SLC16A14: variants seen among roughly 807,000 people sequenced by gnomAD.
SLC16A14 encodes solute carrier family 16 member 14.
SLC16A14 carries 14 observed loss-of-function variants against 35.8 expected under a neutral mutation model. That is an observed-to-expected ratio of 0.39 (90% CI 0.26 to 0.61). The LOEUF (loss-of-function observed/expected upper bound fraction) is 0.61, where lower values mean the gene tolerates loss of function less well. Ranked by LOEUF, SLC16A14 falls within the 20% of genes least tolerant of loss-of-function variation. SLC16A14 has a pLI of 0.51. For synonymous variants in SLC16A14, 248 were observed against 258.9 expected (o/e 0.96, Z 0.40); for missense variants, 533 against 655.0 (o/e 0.81, Z 2.03).
At position 230,035,499 on chromosome 2, in the gene SLC16A14, A is replaced by G. The variant is rs2077513364; in HGVS notation, c.*1881T>C. The G allele has an allele frequency of 6.6e-6, 1 of 152,668 alleles. No individual in the cohort carries two copies. The highest frequency in any genetic ancestry group is 2.4e-5 in the African/African-American group (1 of 41,466). 9.5% of individuals were successfully genotyped at this position (152,668 alleles called of 1,614,324 possible). A position where few individuals can be genotyped will look rare whatever the true frequency, so the allele number is the denominator to read the frequency against. ...AAACATACAACATGTGTTTCAATCT[A>G]ATCATCCTAATTCTATGGTAAATTA... On this transcript the variant is annotated 3_prime_UTR_variant, in exon 5 of 5. Transcript: ENST00000295190.
At chr2:230,042,942 C>T (rs2077572279) in intron 4 of SLC16A14, among the ~76,000 whole-genome samples, 2 of 152,148 alleles carry the variant, frequency 1.3e-5, no homozygotes, top group Admixed American at 6.6e-5. Context: ...GAGGAAAGGG[C>T]CAAGAGGATG....
intron 4 of SLC16A14, among the ~76,000 whole-genome samples, chr2:230,041,359 A>C (rs1210323987): frequency 6.6e-6 from 1 of 151,992 alleles, no homozygotes; most frequent in African/African-American, 2.4e-5. Flanking sequence ...ATTTTATTTT[A>C]ATTTTGAGAC....
chr2:230,056,415 T>C (rs35939812), intron 2 of SLC16A14, among the ~76,000 whole-genome samples: 162 of 152,034 alleles, frequency 1.1e-3, no homozygotes, highest in Admixed American at 2.9e-3. Context: ...CCACCATGCC[T>C]GGCTAATTTT....
In SLC16A14 at chr2:230,046,265, G is replaced by A; in HGVS notation, c.861C>T (p.Ser287=). The change falls in exon 4 of 5, where the codon AGC becomes AGT. Residue 287 remains serine (S), a synonymous_variant. Coordinates refer to ENST00000295190, the MANE Select transcript of SLC16A14 (RefSeq NM_152527.5). This position sits in a 1 kb window ranked among gnomAD's most constrained non-coding sequence, Gnocchi z 5.0. ...CCTTCCTGACTCTCATGGTGAGCCA[G>A]CTGACAGTCTTCAGAATCCGGAGGG... ...MCALRILKTV[S]WLTMRVRKGF... 6.2e-7 allele frequency: 1 copy of A among 1,614,224 alleles called. No homozygotes were observed. The highest frequency in any genetic ancestry group is 1.7e-5 in the Admixed American group (1 of 60,030).
intron 3 of SLC16A14, among the ~76,000 whole-genome samples, chr2:230,048,263 C>T (rs1205428840): frequency 6.6e-6 from 1 of 152,136 alleles, no homozygotes; most frequent in Non-Finnish European, 1.5e-5. Flanking sequence ...AAATAACTTG[C>T]CCAAAGTCAC....
rs2077567347 is a variant in SLC16A14, at chr2:230,042,287, A to G, written c.1381+3458T>C. 1.3e-5 allele frequency among the ~76,000 whole-genome samples: 2 copies of G among 152,094 alleles called. 1 individual carries two copies. Among genetic ancestry groups the G allele is most frequent in the South Asian group, 4.1e-4 (2 of 4,820 alleles). On this transcript the variant is annotated intron_variant, in intron 4 of 4. Coordinates refer to ENST00000295190, the MANE Select transcript of SLC16A14 (RefSeq NM_152527.5). ...ACCTGATGACTGAGGGTTGAGTATAACTCCCTGTCATCTACTTATCATTCC... is the reference window on the plus strand; with the variant it reads ...ACCTGATGACTGAGGGTTGAGTATAGCTCCCTGTCATCTACTTATCATTCC...
rs2077511544 is a variant in SLC16A14 at position 230,035,209 on chromosome 2, A to G, written c.*2171T>C. 6.6e-6 allele frequency: 1 copy of G among 152,422 alleles called. No individual in the cohort carries two copies. The highest frequency in any genetic ancestry group is 6.5e-5 in the Admixed American group (1 of 15,274). The allele number at this position is 152,422 out of a possible 1,614,324, so 9.4% of individuals were successfully genotyped here. Reference sequence around the variant, plus strand: ...AAGCAGGTCTTTATTTTTTTTGACAATGGGAACTTCCACTCATTCGGTAGA... The same window carrying G: ...AAGCAGGTCTTTATTTTTTTTGACAGTGGGAACTTCCACTCATTCGGTAGA... On this transcript the variant is annotated 3_prime_UTR_variant, in exon 5 of 5. Coordinates refer to ENST00000295190, the MANE Select transcript of SLC16A14 (RefSeq NM_152527.5).
intron 1 of SLC16A14, among the ~76,000 whole-genome samples, chr2:230,067,557 TC>T (rs1560485386): frequency 2.5e-5 from 1 of 40,492 alleles, no homozygotes; most frequent in Admixed American, 3.1e-4. Context: ...TCTCTCTCTC[TC>T]TCTCTCTCTC....
At chr2:230,056,392 C>T (rs982640626) in intron 2 of SLC16A14, among the ~76,000 whole-genome samples, 20 of 151,760 alleles carry the variant, frequency 1.3e-4, no homozygotes, top group African/African-American at 4.1e-4. Context: ...GTAGCTGGGA[C>T]TACAGGCGTT....
intron 2 of SLC16A14, among the ~76,000 whole-genome samples, chr2:230,051,773 C>G (rs1186258068): frequency 6.6e-6 from 1 of 152,058 alleles, no homozygotes; most frequent in Non-Finnish European, 1.5e-5. Flanking sequence ...ATGTGTATAT[C>G]TGGGTACAGT....
At chr2:230,051,342 A>G (rs920833167) in intron 2 of SLC16A14, among the ~76,000 whole-genome samples, 1 of 151,958 alleles carries the variant, frequency 6.6e-6, no homozygotes, top group Non-Finnish European at 1.5e-5. Context: ...TGTATTTTTT[A>G]TAGAGATAGG....
intron 2 of SLC16A14, among the ~76,000 whole-genome samples, chr2:230,052,690 A>G (rs2106264432): frequency 6.6e-6 from 1 of 152,318 alleles, no homozygotes; most frequent in East Asian, 1.9e-4. Flanking sequence ...TATAAATTTA[A>G]AAAAGTATAA....
At chr2:230,039,914 C>T (rs1227217277) in intron 4 of SLC16A14, among the ~76,000 whole-genome samples, 3 of 152,126 alleles carry the variant, frequency 2.0e-5, no homozygotes, top group African/African-American at 7.2e-5. Context: ...TATTTATTTA[C>T]GTTTTGGTGG....
At chr2:230,066,671 G>C in intron 1 of SLC16A14, 1 of 383,602 alleles carries the variant, frequency 2.6e-6, no homozygotes, top group South Asian at 1.8e-5. Flanking sequence ...GTATGGCTTT[G>C]TCGCCCAGGC....
chr2:230,060,069 AGTT>A (rs892183396), intron 1 of SLC16A14, among the ~76,000 whole-genome samples: 17 of 152,302 alleles, frequency 1.1e-4, no homozygotes, highest in Middle Eastern at 3.4e-3. Flanking sequence ...GAACTTAATT[AGTT>A]ACTAGAAAAT....
chr2:230,051,295 G>A (rs2077657762), intron 2 of SLC16A14, among the ~76,000 whole-genome samples: 1 of 152,062 alleles, frequency 6.6e-6, no homozygotes, highest in African/African-American at 2.4e-5. Context: ...CTAAGTAGCT[G>A]GGCCTAGAGG....
At chr2:230,065,518 G>A (rs1460041066) in intron 1 of SLC16A14, among the ~76,000 whole-genome samples, 1 of 152,142 alleles carries the variant, frequency 6.6e-6, no homozygotes, top group African/African-American at 2.4e-5. Context: ...GCCTCTCAAA[G>A]TGCTGGGATT....
chr2:230,065,650 C>T (rs1280392636), intron 1 of SLC16A14, among the ~76,000 whole-genome samples: 2 of 152,142 alleles, frequency 1.3e-5, no homozygotes, highest in Non-Finnish European at 2.9e-5. Context: ...AAAGTAATTA[C>T]TGTTTTGACT....
chr2:230,039,511 C>T (rs544447890), intron 4 of SLC16A14, among the ~76,000 whole-genome samples: 1 of 152,322 alleles, frequency 6.6e-6, no homozygotes, highest in South Asian at 2.1e-4. Flanking sequence ...CCAACTTCTA[C>T]TCAGTGTTAC....
Sources: gnomAD v4.1 joint callset for allele counts (sites outside exome capture counted in the v4.1 genomes callset) on GRCh38, gnomAD v4.1.1 for gene constraint, Gnocchi (gnomAD v3.1) non-coding constraint, MANE v1.5 for transcripts, NCBI Gene and HGNC (gene_info 2026-07-23, HGNC 2026-07-21) for gene names.